Variants in SLC19A1 observed in about 807,000 individuals in gnomAD.
SLC19A1 encodes reduced folate transporter.
A neutral mutation model predicts 35.3 loss-of-function variants in SLC19A1; 37 were observed. The observed-to-expected ratio is 1.05, with a 90% CI of 0.81 to 1.38. SLC19A1 has a LOEUF of 1.38. Among genes scored for constraint, SLC19A1 ranks in the 40% most tolerant of loss-of-function variants. SLC19A1 has a pLI of 0.00. For synonymous variants in SLC19A1, 460 were observed against 398.5 expected (o/e 1.15, Z -1.84); for missense variants, 831 against 826.9 (o/e 1.00, Z -0.06).
At chr21:45,560,534 A>ACCC (rs1602966966) in intron 1 of SLC19A1, among the ~76,000 whole-genome samples, 4 of 150,934 alleles carry the variant, frequency 2.7e-5, no homozygotes, top group African/African-American at 7.4e-5. Context: ...TGGCACTGGC[A>ACCC]CCATGGTAGG....
Position 45,512,651 on chromosome 21 carries a change from C to T in SLC19A1, c.*3007G>A. 1.8e-6 allele frequency: 1 copy of T among 563,442 alleles called. No homozygotes were observed. Among genetic ancestry groups the T allele is most frequent in the South Asian group, 2.0e-5 (1 of 50,008 alleles). The allele number at this position is 563,442 out of a possible 1,614,324, so 34.9% of individuals were successfully genotyped here. On this transcript the variant is annotated 3_prime_UTR_variant, in exon 6 of 6. Transcript: ENST00000311124. ...CCCTGACCTGTGAGCCCAGCTGGGT[C>T]AGGCAGGGTGCAGTATCATGCCCTG... is the stretch of plus-strand genomic sequence containing the variant.
chr21:45,552,125 T>G lies in SLC19A1; in HGVS notation c.-50+10617A>C, dbSNP rs570844404. Among the ~76,000 whole-genome samples, 20 of 152,178 alleles carry G rather than the reference T, an allele frequency of 1.3e-4. No individual in the cohort carries two copies. The South Asian group carries it at 4.1e-3, about 32-fold the overall frequency. On this transcript the variant is annotated intron_variant, in intron 1 of 5. Transcript: ENST00000650808. Reference sequence around the variant, plus strand: ...CCGCTCCATGGGGCTGGCTGTGTGGTGGGGACTGACGGCCTCCTCAGGAGG... The same window carrying G: ...CCGCTCCATGGGGCTGGCTGTGTGGGGGGGACTGACGGCCTCCTCAGGAGG...
Position 45,514,883 on chromosome 21 carries a change from G to A in SLC19A1, c.*775C>T. ...CCCCAAGGCTGCCCAGCCCAGGCAA[G>A]CCTGGCACATACCAAGGCCAGCACG... On this transcript the variant is annotated 3_prime_UTR_variant, in exon 6 of 6. Coordinates refer to ENST00000311124, the MANE Select transcript of SLC19A1 (RefSeq NM_194255.4). 9.7e-7 allele frequency: 1 copy of A among 1,026,250 alleles called. No individual in the cohort carries two copies. The highest frequency in any genetic ancestry group is 2.0e-5 in the South Asian group (1 of 50,330). The allele number at this position is 1,026,250 out of a possible 1,614,324, so 63.6% of individuals were successfully genotyped here. A position where few individuals can be genotyped will look rare whatever the true frequency, so the allele number is the denominator to read the frequency against.
intron 4 of SLC19A1, among the ~76,000 whole-genome samples, chr21:45,529,529 C>A (rs2077772535): frequency 6.6e-6 from 1 of 152,166 alleles, no homozygotes; most frequent in South Asian, 2.1e-4. Flanking sequence ...GGGTCAGTGT[C>A]TGAGTGTGTC....
intron 1 of SLC19A1, among the ~76,000 whole-genome samples, chr21:45,552,258 G>A (rs1287375044): frequency 6.6e-6 from 1 of 152,190 alleles, no homozygotes; most frequent in Non-Finnish European, 1.5e-5. Context: ...TGTCTGCCCA[G>A]GGGAGCTACA....
rs116618591 is a variant in SLC19A1 at position 45,504,408 on chromosome 21, G to T, written c.498-5796C>A. 2 of 1,610,608 alleles carry T rather than the reference G, an allele frequency of 1.2e-6. No homozygotes were observed. Among genetic ancestry groups the T allele is most frequent in the African/African-American group, 1.3e-5 (1 of 74,862 alleles). ...GGGCTCCCGTGTAACAAGTGTTTCC[G>T]TCCACAGGGGGAGAAGGGAGACCGA... On this transcript the variant is annotated intron_variant, in intron 3 of 4. Coordinates refer to the SLC19A1 transcript ENST00000417954.
chr21:45,553,106 C>T lies in SLC19A1; in HGVS notation c.-50+9636G>A, dbSNP rs531673082. Reference sequence around the variant, plus strand: ...GCTCAGGGCTGGGGCAGGACCGGAGCGGGGGCCTCGCTGGAGGCTGGGCCT... The same window carrying T: ...GCTCAGGGCTGGGGCAGGACCGGAGTGGGGGCCTCGCTGGAGGCTGGGCCT... On this transcript the variant is annotated intron_variant, in intron 1 of 5. Transcript: ENST00000650808. Among the ~76,000 whole-genome samples the T allele has an allele frequency of 3.3e-5, 5 of 152,300 alleles. No homozygotes were observed. The South Asian group carries it at 6.2e-4, about 19-fold the overall frequency.
At chr21:45,558,958 A>C (rs568134786) in intron 1 of SLC19A1, among the ~76,000 whole-genome samples, 1 of 151,620 alleles carries the variant, frequency 6.6e-6, no homozygotes, top group Non-Finnish European at 1.5e-5. Flanking sequence ...ACAGGTGCAC[A>C]CCACCACGCC....
intron 1 of SLC19A1, among the ~76,000 whole-genome samples, chr21:45,552,773 T>C (rs1305426580): frequency 2.0e-5 from 3 of 152,220 alleles, no homozygotes; most frequent in East Asian, 3.9e-4. Context: ...TCCTGGCCCA[T>C]GAGTCTGACC....
chr21:45,537,719 T>TGGGGGGGGGGCCCC, intron 2 of SLC19A1, 52 bp downstream of exon 2: 1 of 319,776 alleles, frequency 3.1e-6, no homozygotes, highest in Non-Finnish European at 5.6e-6. Flanking sequence ...CAGACGCTGC[T>TGGGGGGGGGGCCCC]CCCCGCCCAC....
At chr21:45,516,653 A>C (rs937120336) in intron 5 of SLC19A1, among the ~76,000 whole-genome samples, 2 of 152,218 alleles carry the variant, frequency 1.3e-5, no homozygotes, top group African/African-American at 4.8e-5. Context: ...GATGACCAGA[A>C]GGAGCAGCAC....
At chr21:45,506,993 C>T (rs2037246439) in intron 3 of SLC19A1, 2 of 286,870 alleles carry the variant, frequency 7.0e-6, no homozygotes, top group South Asian at 3.2e-5. Context: ...GATGCAGCCC[C>T]ATCCTAACTT....
Position 45,517,645 on chromosome 21 carries a change from C to T in SLC19A1, c.1294-1505G>A, listed in dbSNP as rs1335885306. Among the ~76,000 whole-genome samples, 1 of 108,848 alleles carries T rather than the reference C, an allele frequency of 9.2e-6. No individual in the cohort carries two copies. Among genetic ancestry groups the T allele is most frequent in the East Asian group, 2.9e-4 (1 of 3,478 alleles). The allele number at this position is 108,848 out of a possible 152,430, so 71.4% of individuals were successfully genotyped here. ...TCTTATCCTCACCCAGTAGTAAGAG[C>T]GTGCCTGTCCTGTCCCCCTCCATGC... On this transcript the variant is annotated intron_variant, in intron 5 of 5. Transcript: ENST00000311124. The surrounding 1 kb of genome is among the most constrained non-coding windows in gnomAD (Gnocchi z 4.4).
chr21:45,561,253 A>C (rs2146520390), intron 1 of SLC19A1, among the ~76,000 whole-genome samples: 1 of 152,378 alleles, frequency 6.6e-6, no homozygotes, highest in East Asian at 1.9e-4. Context: ...ATGTGCTAGA[A>C]ATAATTGACC....
At chr21:45,553,423 G>A (rs1256240081) in intron 1 of SLC19A1, among the ~76,000 whole-genome samples, 1 of 152,128 alleles carries the variant, frequency 6.6e-6, no homozygotes, top group East Asian at 1.9e-4. Context: ...CACAGTGCCA[G>A]CCCTAGGCCT....
At chr21:45,558,897 C>T (rs543692268) in intron 1 of SLC19A1, among the ~76,000 whole-genome samples, 2 of 151,720 alleles carry the variant, frequency 1.3e-5, no homozygotes, top group African/African-American at 2.4e-5. Flanking sequence ...CAACCTCTGC[C>T]TCCCAGGTTC....
At chr21:45,560,867 T>C (rs1432803307) in intron 1 of SLC19A1, among the ~76,000 whole-genome samples, 5 of 152,220 alleles carry the variant, frequency 3.3e-5, no homozygotes, top group Non-Finnish European at 7.3e-5. Flanking sequence ...AGCTGGCCTC[T>C]CTGATGCTGC....
intron 4 of SLC19A1, among the ~76,000 whole-genome samples, chr21:45,526,536 C>T (rs530424707): frequency 1.3e-5 from 2 of 152,268 alleles, no homozygotes; most frequent in African/African-American, 4.8e-5. Flanking sequence ...CTTTCCGGTG[C>T]TCAAAAACTG....
intron 1 of SLC19A1, among the ~76,000 whole-genome samples, chr21:45,556,155 C>A (rs529991042): frequency 4.3e-4 from 65 of 152,366 alleles, no homozygotes; most frequent in Non-Finnish European, 7.2e-4. Context: ...CGCTCCCGTT[C>A]CAGTCCCCGG....
Sources: allele counts gnomAD v4.1 joint callset (sites outside exome capture counted in the v4.1 genomes callset), GRCh38; gene constraint gnomAD v4.1.1; non-coding constraint Gnocchi (gnomAD v3.1); transcripts MANE v1.5; gene names NCBI Gene and HGNC (gene_info 2026-07-23, HGNC 2026-07-21).